The following SVEP1 variants were observed in gnomAD, a reference collection of about 807,000 sequenced individuals.
SVEP1 encodes the protein sushi, von Willebrand factor type A, EGF and pentraxin domain containing 1.
Under a neutral mutation model 367.3 loss-of-function variants are expected in SVEP1, and 164 were observed. The ratio of observed to expected loss-of-function variants is 0.45; its 90% CI spans 0.39 to 0.51. The LOEUF (loss-of-function observed/expected upper bound fraction) is 0.51, where lower values mean the gene tolerates loss of function less well. Among genes scored for constraint, SVEP1 ranks in the 20% least tolerant of loss-of-function variants. The pLI is 0.00. For synonymous variants in SVEP1, 1,666 were observed against 1,611.6 expected, an observed-to-expected ratio of 1.03 and a Z score of -0.81; for missense variants, 4,117 against 4,425.3, an observed-to-expected ratio of 0.93 and a Z score of 1.98.
chr9:110,550,112 G>T lies in SVEP1; in HGVS notation c.532-8C>A. On this transcript the variant is annotated splice_region_variant and splice_polypyrimidine_tract_variant and intron_variant, in intron 1 of 47. Transcript: ENST00000374469. ...AGCATGAAGAAGAATTTGCTGTAATGAAATGGGGAAAGTTAATATGAGTGT... is the reference window on the plus strand; with the variant it reads ...AGCATGAAGAAGAATTTGCTGTAATTAAATGGGGAAAGTTAATATGAGTGT... 6.2e-7 allele frequency: 1 copy of T among 1,613,536 alleles called. No individual in the cohort carries two copies. The highest frequency in any genetic ancestry group is 1.1e-5 in the South Asian group (1 of 91,066).
chr9:110,536,079 G>A (rs1229559833), intron 3 of SVEP1, among the ~76,000 whole-genome samples: 1 of 151,974 alleles, frequency 6.6e-6, no homozygotes, highest in South Asian at 2.1e-4. Context: ...TATGATGCTG[G>A]CTGTGGATCT....
At chr9:110,506,978 T>G (rs1171296808) in intron 5 of SVEP1, among the ~76,000 whole-genome samples, 1 of 152,070 alleles carries the variant, frequency 6.6e-6, no homozygotes, top group African/African-American at 2.4e-5. Context: ...TCAAGACCCA[T>G]GGAAAATGCA....
At chr9:110,448,822 T>A (rs148725277) in intron 24 of SVEP1, among the ~76,000 whole-genome samples, 1 of 152,336 alleles carries the variant, frequency 6.6e-6, no homozygotes, top group Non-Finnish European at 1.5e-5. Context: ...GAGAAAGTGA[T>A]GCTACATGAT....
intron 2 of SVEP1, among the ~76,000 whole-genome samples, chr9:110,548,965 TA>T (rs1397544143): frequency 1.3e-5 from 2 of 152,094 alleles, no homozygotes; most frequent in East Asian, 3.9e-4. Flanking sequence ...TTTATTTATT[TA>T]TTTTTTTTAA....
chr9:110,493,168 G>A (rs1829395905), intron 8 of SVEP1, among the ~76,000 whole-genome samples: 1 of 151,978 alleles, frequency 6.6e-6, no homozygotes, highest in Admixed American at 6.6e-5. Context: ...GGCAGCAGAG[G>A]TCCTGCCAGA....
intron 3 of SVEP1, among the ~76,000 whole-genome samples, chr9:110,532,110 C>T (rs1455664950): frequency 1.3e-5 from 2 of 152,072 alleles, no homozygotes; most frequent in Admixed American, 1.3e-4. Flanking sequence ...ATGCATCTCA[C>T]TTTATTTATT....
At chr9:110,378,489 T>C (rs1358649013) in intron 44 of SVEP1, among the ~76,000 whole-genome samples, 4 of 152,224 alleles carry the variant, frequency 2.6e-5, no homozygotes, top group Non-Finnish European at 5.9e-5. Context: ...TTGTAGATTC[T>C]GGATATTAGC....
chr9:110,558,845 T>G (rs757202554), intron 1 of SVEP1, among the ~76,000 whole-genome samples: 1 of 152,060 alleles, frequency 6.6e-6, no homozygotes, highest in Non-Finnish European at 1.5e-5. Flanking sequence ...AATTCAAATA[T>G]TAAAAGAAAC....
rs1827967384 is a variant in SVEP1 at position 110,407,089 on chromosome 9, T to A, written c.8511A>T (p.Pro2837=). 2 of 1,614,006 alleles carry A rather than the reference T, an allele frequency of 1.2e-6. No individual in the cohort carries two copies. The highest frequency in any genetic ancestry group is 1.7e-6 in the Non-Finnish European group (2 of 1,179,880). ...ICIPVDCSSP[P]VSANGQVRGD... is the part of the protein sequence containing the mutation. ...CTCTCACCTGGCCATTGGCTGAGAC[T>A]GGGGGTGAACTGCAGTCCACAGGAA... The change falls in exon 38 of 48, where the codon CCA becomes CCT. Residue 2837 remains proline, a synonymous_variant. Transcript: ENST00000374469.
At chr9:110,448,134 TGTGTGTGTGTGTGTGC>T (rs1828632378) in intron 24 of SVEP1, among the ~76,000 whole-genome samples, 1 of 69,578 alleles carries the variant, frequency 1.4e-5, no homozygotes, top group Admixed American at 1.7e-4. Flanking sequence ...AGTGAATGTG[TGTGTGTGTGTGTGTGC>T]GCGTGTGTGT....
intron 40 of SVEP1, among the ~76,000 whole-genome samples, chr9:110,395,406 T>A (rs62571902): frequency 1.3e-5 from 2 of 152,032 alleles, no homozygotes; most frequent in Admixed American, 6.6e-5. Context: ...ACATGCCAAA[T>A]TGTAAAGACC....
At chr9:110,577,339 TA>T (rs1296115988) in intron 1 of SVEP1, among the ~76,000 whole-genome samples, 4 of 152,030 alleles carry the variant, frequency 2.6e-5, no homozygotes, top group Non-Finnish European at 5.9e-5. Context: ...CAAATACCCA[TA>T]AGCATTTAGC....
In SVEP1 at chr9:110,414,302, G is replaced by T. The variant is rs139129162; in HGVS notation, c.5976-2567C>A. ...CTGACAATATTTATGAAATCTATAAGAGACAGAGAAATCAGGAAAAAAATA... is the reference window on the plus strand; with the variant it reads ...CTGACAATATTTATGAAATCTATAATAGACAGAGAAATCAGGAAAAAAATA... On this transcript the variant is annotated intron_variant, in intron 36 of 47. Coordinates refer to ENST00000374469, the MANE Select transcript of SVEP1 (RefSeq NM_153366.4). Among the ~76,000 whole-genome samples, 135 of 152,084 alleles carry T rather than the reference G, an allele frequency of 8.9e-4. 2 individuals carry two copies. Among genetic ancestry groups the T allele is most frequent in the Admixed American group, 7.9e-3 (121 of 15,290 alleles).
intron 27 of SVEP1, among the ~76,000 whole-genome samples, chr9:110,439,786 G>C (rs1187023878): frequency 6.6e-6 from 1 of 152,076 alleles, no homozygotes; most frequent in East Asian, 1.9e-4. Context: ...GTGTCAATTG[G>C]AACTCTGCAA....
intron 3 of SVEP1, among the ~76,000 whole-genome samples, chr9:110,522,850 G>T (rs1487172514): frequency 1.3e-5 from 2 of 152,126 alleles, no homozygotes; most frequent in African/African-American, 4.8e-5. Context: ...GATTATATCA[G>T]TTGTTATCCA....
At position 110,503,092 on chromosome 9, in the gene SVEP1, T is replaced by C. The variant is rs756282528; in HGVS notation, c.1429A>G (p.Lys477Glu). 6.2e-7 allele frequency: 1 copy of C among 1,610,566 alleles called. No individual in the cohort carries two copies. The highest frequency in any genetic ancestry group is 2.2e-5 in the East Asian group (1 of 44,888). Residue 477 changes from lysine to glutamate, a missense_variant, in exon 6 of 48, where the codon AAG becomes GAG. Lys to Glu is a moderately conservative substitution (Grantham distance 56). Around this residue, in one of 4 missense-constraint regions of SVEP1, gnomAD observed 2,174 missense variants for 2,494.3 expected, o/e 0.87. Transcript: ENST00000374469. ...DEGYRLEGSD[K>E]LTCQGNSQWD... The stretch of plus-strand genomic sequence containing the variant: ...TGGCTGTTTCCTTGACAAGTAAGCT[T>C]ATCACTGCCTTCTAGTCTGTACCCT...
chr9:110,474,539 G>A (rs1829071417), intron 14 of SVEP1, among the ~76,000 whole-genome samples: 1 of 152,052 alleles, frequency 6.6e-6, no homozygotes, highest in Non-Finnish European at 1.5e-5. Context: ...CCCTTATTAG[G>A]TGACAAATAT....
intron 36 of SVEP1, among the ~76,000 whole-genome samples, chr9:110,412,279 A>G (rs1828055758): frequency 6.6e-6 from 1 of 152,216 alleles, no homozygotes. Flanking sequence ...TAGCCTACAT[A>G]TAGCTCATTG....
At chr9:110,433,652 T>G (rs915785308) in intron 30 of SVEP1, among the ~76,000 whole-genome samples, 1 of 151,620 alleles carries the variant, frequency 6.6e-6, no homozygotes, top group Non-Finnish European at 1.5e-5. Context: ...TTGTATTTTT[T>G]GTGGAGATAG....
Sources: gnomAD v4.1 joint callset for allele counts (sites outside exome capture counted in the v4.1 genomes callset) on GRCh38, gnomAD v4.1.1 for gene constraint, gnomAD v4.1.1 regional missense constraint, MANE v1.5 for transcripts, NCBI Gene and HGNC (gene_info 2026-07-23, HGNC 2026-07-21) for gene names.